Variants in PACRG observed in about 807,000 individuals in gnomAD.
The protein encoded by PACRG is parkin coregulated.
In PACRG, 29 loss-of-function variants were observed where a neutral mutation model predicts 29.7. The ratio of observed to expected loss-of-function variants is 0.98; its 90% CI spans 0.73 to 1.33. The LOEUF (loss-of-function observed/expected upper bound fraction) is 1.33, where lower values mean the gene tolerates loss of function less well. PACRG is among the 40% of genes most tolerant of loss of function. The probability of loss-of-function intolerance (pLI) is 0.00; values close to 1 mark genes in which losing one functional copy is unlikely to be tolerated. For synonymous variants in PACRG, 116 were observed against 118.7 expected, an observed-to-expected ratio of 0.98 and a Z score of 0.15; for missense variants, 279 against 316.2, an observed-to-expected ratio of 0.88 and a Z score of 0.89.
At chr6:162,801,684 G>GGTT (rs1234802303) in intron 1 of PACRG, among the ~76,000 whole-genome samples, 14 of 151,784 alleles carry the variant, frequency 9.2e-5, no homozygotes, top group African/African-American at 3.1e-4. Context: ...TTTTTCATTT[G>GGTT]GACAAATGAA....
intron 4 of PACRG, among the ~76,000 whole-genome samples, chr6:163,109,497 G>A (rs1395650627): frequency 6.6e-6 from 1 of 152,170 alleles, no homozygotes; most frequent in Admixed American, 6.5e-5. Flanking sequence ...GGACAAAATT[G>A]TAGTAGTAGT....
chr6:163,007,374 A>G (rs9346946), intron 2 of PACRG, among the ~76,000 whole-genome samples: 55,063 of 151,964 alleles, frequency 0.36, 10,688 homozygotes, highest in East Asian at 0.68. Flanking sequence ...TCATTCCTTT[A>G]TGTAGCTCCA....
intron 1 of PACRG, among the ~76,000 whole-genome samples, chr6:162,797,603 A>G (rs1048665232): frequency 1.3e-5 from 2 of 152,202 alleles, no homozygotes; most frequent in Admixed American, 6.5e-5. Context: ...ATAAATAAGT[A>G]GCTCTTGTAT....
chr6:163,065,626 G>C, intron 3 of PACRG, among the ~76,000 whole-genome samples: 1 of 152,152 alleles, frequency 6.6e-6, no homozygotes, highest in Non-Finnish European at 1.5e-5. Flanking sequence ...CGGAGGAAAA[G>C]AATACCTCAA....
At chr6:163,164,079 T>C (rs959529918) in intron 4 of PACRG, among the ~76,000 whole-genome samples, 6 of 151,732 alleles carry the variant, frequency 4.0e-5, no homozygotes, top group African/African-American at 1.5e-4. Flanking sequence ...TCTACAAAGT[T>C]CCACATTTAA....
chr6:162,949,944 T>C (rs1355276920), intron 2 of PACRG, among the ~76,000 whole-genome samples: 1 of 152,196 alleles, frequency 6.6e-6, no homozygotes, highest in East Asian at 1.9e-4. Context: ...GACTGGCAAA[T>C]GTCTCTAAGG....
At chr6:162,728,454 G>T in intron 1 of PACRG, 63 bp downstream of exon 1, 1 of 1,578,100 alleles carries the variant, frequency 6.3e-7, no homozygotes, top group East Asian at 2.2e-5. Context: ...ATTTACAGAG[G>T]TTGGCCAGCC....
intron 2 of PACRG, among the ~76,000 whole-genome samples, chr6:162,884,041 G>T (rs371024802): frequency 3.2e-4 from 48 of 152,094 alleles, no homozygotes; most frequent in African/African-American, 1.1e-3. Context: ...GGGCTCAAGC[G>T]ATCCTCCCAC....
At chr6:163,231,682 C>T (rs1376336699) in intron 4 of PACRG, among the ~76,000 whole-genome samples, 2 of 152,188 alleles carry the variant, frequency 1.3e-5, no homozygotes, top group African/African-American at 4.8e-5. Context: ...CAGCACCCAC[C>T]AGGTGACTCC....
chr6:163,128,031 T>A (rs1816586683), intron 4 of PACRG, among the ~76,000 whole-genome samples: 1 of 152,234 alleles, frequency 6.6e-6, no homozygotes, highest in Admixed American at 6.5e-5. Flanking sequence ...AGCTTCAAAA[T>A]TTCCAATTTC....
intron 4 of PACRG, among the ~76,000 whole-genome samples, chr6:163,220,808 A>G (rs1277713392): frequency 2.0e-5 from 3 of 152,220 alleles, no homozygotes; most frequent in Admixed American, 6.5e-5. Flanking sequence ...CATATTTACC[A>G]AGTACCAGGA....
At chr6:163,172,680 C>G (rs564825585) in intron 4 of PACRG, among the ~76,000 whole-genome samples, 1 of 152,332 alleles carries the variant, frequency 6.6e-6, no homozygotes, top group Non-Finnish European at 1.5e-5. Flanking sequence ...GGGCTCAGGA[C>G]ACTGTGTGAC....
At chr6:163,203,255 A>C (rs1780778602) in intron 4 of PACRG, among the ~76,000 whole-genome samples, 2 of 152,078 alleles carry the variant, frequency 1.3e-5, no homozygotes. Context: ...TCTACCAAAA[A>C]TACAAAATTT....
At chr6:162,739,442 G>A (rs1034109005) in intron 1 of PACRG, among the ~76,000 whole-genome samples, 12 of 152,030 alleles carry the variant, frequency 7.9e-5, no homozygotes, top group Non-Finnish European at 1.3e-4. Flanking sequence ...TGCAGTTAGC[G>A]ACTTGTCTTT....
chr6:163,255,781 C>T (rs1783082541), intron 4 of PACRG, among the ~76,000 whole-genome samples: 1 of 152,048 alleles, frequency 6.6e-6, no homozygotes, highest in Admixed American at 6.5e-5. Flanking sequence ...GACTACAGGC[C>T]TGAGCCACCA....
intron 4 of PACRG, among the ~76,000 whole-genome samples, chr6:163,200,104 G>A (rs554291474): frequency 5.3e-5 from 8 of 152,064 alleles, no homozygotes; most frequent in Non-Finnish European, 8.8e-5. Flanking sequence ...GTACTTGGAT[G>A]GGCAAAAAGT....
chr6:163,293,675 A>G (rs566089448), intron 4 of PACRG, among the ~76,000 whole-genome samples: 1 of 152,328 alleles, frequency 6.6e-6, no homozygotes, highest in South Asian at 2.1e-4. Context: ...AACAAGATAA[A>G]CATACATAAT....
chr6:163,108,062 G>A lies in PACRG; in HGVS notation c.613+18654G>A, dbSNP rs569766268. Among the ~76,000 whole-genome samples, 163 of 152,326 alleles carry A rather than the reference G, an allele frequency of 1.1e-3. 1 individual carries two copies. The South Asian group carries it at 0.022, about 21-fold the overall frequency. ...AGGGAGGTGGTTTGAGGCTGAAGCC[G>A]TCTGATGTGGTTTGGCTTTGTGTCC... is the stretch of plus-strand genomic sequence containing the variant. On this transcript the variant is annotated intron_variant, in intron 4 of 4. Coordinates refer to ENST00000366888, the MANE Select transcript of PACRG (RefSeq NM_001080379.2).
At chr6:162,970,101 A>G (rs1333293851) in intron 2 of PACRG, among the ~76,000 whole-genome samples, 1 of 152,194 alleles carries the variant, frequency 6.6e-6, no homozygotes, top group Non-Finnish European at 1.5e-5. Context: ...CTGCCATGAC[A>G]TGCAAATAGT....
Sources: gnomAD v4.1 joint callset for allele counts (sites outside exome capture counted in the v4.1 genomes callset) on GRCh38, gnomAD v4.1.1 for gene constraint, MANE v1.5 for transcripts, NCBI Gene and HGNC (gene_info 2026-07-23, HGNC 2026-07-21) for gene names.